The following CLASRP variants were observed in gnomAD, a reference collection of about 807,000 sequenced individuals.
The protein encoded by CLASRP is CLK4 associating serine/arginine rich protein.
Under a neutral mutation model 99.9 loss-of-function variants are expected in CLASRP, and 52 were observed. The observed-to-expected ratio is 0.52, with a 90% CI of 0.42 to 0.66. The LOEUF (loss-of-function observed/expected upper bound fraction) is 0.66. Ranked by LOEUF, CLASRP falls within the 30% of genes least tolerant of loss-of-function variation. The probability of loss-of-function intolerance (pLI) is 0.00; values close to 1 mark genes in which losing one functional copy is unlikely to be tolerated. For synonymous variants in CLASRP, 379 were observed against 373.0 expected (o/e 1.02, Z -0.18); for missense variants, 848 against 999.2 (o/e 0.85, Z 2.04).
In CLASRP at chr19:45,070,854, G is replaced by T. The variant is rs747072848; in HGVS notation, c.*9G>T. The T allele has an allele frequency of 1.9e-6, 3 of 1,556,872 alleles. No individual in the cohort carries two copies. Among genetic ancestry groups the T allele is most frequent in the South Asian group, 2.2e-5 (2 of 89,006 alleles). On this transcript the variant is annotated 3_prime_UTR_variant, in exon 21 of 21. Transcript: ENST00000221455. ...CCCATTACCGACATTAGGCAGAAGAGTGGGGGGTGGGGAGGACAAGGGGGT... is the reference window on the plus strand; with the variant it reads ...CCCATTACCGACATTAGGCAGAAGATTGGGGGGTGGGGAGGACAAGGGGGT...
intron 2 of CLASRP, among the ~76,000 whole-genome samples, chr19:45,042,566 C>T (rs887376809): frequency 2.0e-5 from 3 of 151,300 alleles, no homozygotes; most frequent in Admixed American, 6.6e-5. Flanking sequence ...CACACACATA[C>T]GCATACACAG....
In CLASRP at chr19:45,067,221, C is replaced by T. The variant is rs978792734; in HGVS notation, c.1410-116C>T. On this transcript the variant is annotated intron_variant, in intron 13 of 20. Coordinates refer to ENST00000221455, the MANE Select transcript of CLASRP (RefSeq NM_007056.3). This position sits in a 1 kb window ranked among gnomAD's most constrained non-coding sequence, Gnocchi z 4.9. The stretch of plus-strand genomic sequence containing the variant: ...AGGGAGAGTAGCAGGAGAGGAGAGT[C>T]GAGCCTGTCACCCTGGGCCTTGCAG... The T allele has an allele frequency of 3.5e-5, 43 of 1,215,404 alleles. No individual in the cohort carries two copies. The highest frequency in any genetic ancestry group is 4.6e-5 in the African/African-American group (3 of 64,776). 75.3% of individuals were successfully genotyped at this position (1,215,404 alleles called of 1,614,324 possible).
rs922277734 is a variant in CLASRP at position 45,070,953 on chromosome 19, G to A, written c.*108G>A. The A allele has an allele frequency of 7.2e-5, 53 of 732,768 alleles. No individual in the cohort carries two copies. Among genetic ancestry groups the A allele is most frequent in the Admixed American group, 2.4e-4 (9 of 38,154 alleles). 45.4% of individuals were successfully genotyped at this position (732,768 alleles called of 1,614,324 possible). On this transcript the variant is annotated 3_prime_UTR_variant, in exon 21 of 21. Transcript: ENST00000221455. ...TAAAGTCAAAAGTTATTTAATTCCC[G>A]TCACCTGTCTCAGTGTCATCTGTGT...
intron 2 of CLASRP, among the ~76,000 whole-genome samples, chr19:45,048,869 C>T (rs1184228609): frequency 6.7e-6 from 1 of 149,978 alleles, no homozygotes; most frequent in African/African-American, 2.5e-5. Context: ...ACCTGTAATC[C>T]CAGCTACTCG....
chr19:45,057,312 C>T (rs557632232), intron 6 of CLASRP, among the ~76,000 whole-genome samples: 4 of 152,304 alleles, frequency 2.6e-5, no homozygotes, highest in Admixed American at 2.0e-4. Flanking sequence ...TGGGACTGTA[C>T]TGGGAGCTTC....
At chr19:45,053,268 A>C (rs553645358) in intron 5 of CLASRP, 91 bp downstream of exon 5, 46 of 1,315,306 alleles carry the variant, frequency 3.5e-5, no homozygotes, top group Non-Finnish European at 4.8e-5. Flanking sequence ...TTTTATCCAC[A>C]TACTTTCTAC....
chr19:45,045,798 G>A (rs550781386), intron 2 of CLASRP, among the ~76,000 whole-genome samples: 30 of 152,148 alleles, frequency 2.0e-4, no homozygotes, highest in Non-Finnish European at 3.2e-4. Flanking sequence ...GGCCAGCGTC[G>A]CTATCGCTCA....
At chr19:45,064,279 C>T in intron 12 of CLASRP, 52 bp downstream of exon 12, 1 of 1,523,436 alleles carries the variant, frequency 6.6e-7, no homozygotes, top group South Asian at 1.2e-5. Context: ...ATGGGGGGTA[C>T]CCGGGGCAGA....
chr19:45,067,501 G>GCCGCAT lies in CLASRP; in HGVS notation c.1579_1580insTCCGCA (p.Arg526_Ser527insIleArg), dbSNP rs747273443. On this transcript the variant is annotated inframe_insertion, in exon 14 of 21. Transcript: ENST00000221455. This position sits in a 1 kb window ranked among gnomAD's most constrained non-coding sequence, Gnocchi z 4.9. ...AGCCCCAGCCAGAGCCGCAGCCGCA[G>GCCGCAT]CCGCAGCCGCAGCCAGAGCCCCTCG... The GCCGCAT allele has an allele frequency of 6.3e-7, 1 of 1,587,650 alleles. No individual in the cohort carries two copies. The highest frequency in any genetic ancestry group is 8.5e-7 in the Non-Finnish European group (1 of 1,172,108).
In CLASRP at chr19:45,060,461, G is replaced by A. The variant is rs201612091; in HGVS notation, c.783G>A (p.Met261Ile). The change falls in exon 9 of 21, where the codon ATG (methionine) becomes ATA (isoleucine). Residue 261 changes from methionine (M) to isoleucine (I), a missense_variant. By Grantham distance (10) the Met-to-Ile change is conservative (BLOSUM62 1). Around this residue, in one of 8 missense-constraint regions of CLASRP, gnomAD observed 119 missense variants for 170.2 expected, o/e 0.70. Coordinates refer to ENST00000221455, the MANE Select transcript of CLASRP (RefSeq NM_007056.3). The surrounding 1 kb of genome is among the most constrained non-coding windows in gnomAD (Gnocchi z 4.6). ...HAKALEEEKAMYSGRRSRRQR... is the reference protein window; with the variant it reads ...HAKALEEEKAIYSGRRSRRQR... ...AGGCTCTTGAGGAGGAGAAGGCCAT[G>A]TACTCGGTGAGGTCTGGGCTGGAGT... The A allele has an allele frequency of 6.2e-7, 1 of 1,614,178 alleles. No individual in the cohort carries two copies.
intron 13 of CLASRP, among the ~76,000 whole-genome samples, chr19:45,065,560 C>CAAAAAAAA (rs1967067389): frequency 7.7e-6 from 1 of 129,598 alleles, no homozygotes; most frequent in African/African-American, 2.9e-5. Flanking sequence ...GACTGCGTCT[C>CAAAAAAAA]AAGAAAAAAA....
At chr19:45,040,681 C>T (rs983768998) in intron 2 of CLASRP, 1 of 201,636 alleles carries the variant, frequency 5.0e-6, no homozygotes, top group Non-Finnish European at 1.1e-5. Flanking sequence ...GCTTGGCACA[C>T]AATAGGAGTG....
At position 45,052,242 on chromosome 19, in the gene CLASRP, T is replaced by G. The variant is rs1468614366; in HGVS notation, c.197+74T>G. 5.4e-6 allele frequency: 7 copies of G among 1,292,726 alleles called. No individual in the cohort carries two copies. The Admixed American group carries it at 1.2e-4, about 22-fold the overall frequency. The allele number at this position is 1,292,726 out of a possible 1,614,324, so 80.1% of individuals were successfully genotyped here. A position where few individuals can be genotyped will look rare whatever the true frequency, so the allele number is the denominator to read the frequency against. ...AACGGACCTGGGGTGGTGTAGAGTG[T>G]GGAGCAGAGACTGAAGTATGGACAG... is the stretch of plus-strand genomic sequence containing the variant. On this transcript the variant is annotated intron_variant, in intron 3 of 20. Transcript: ENST00000221455.
chr19:45,041,761 T>C (rs964523940), intron 2 of CLASRP, among the ~76,000 whole-genome samples: 6 of 152,232 alleles, frequency 3.9e-5, no homozygotes, highest in African/African-American at 1.4e-4. Flanking sequence ...TTTAGGGTCC[T>C]GCATGGCCTG....
At chr19:45,045,037 C>T (rs1205994293) in intron 2 of CLASRP, among the ~76,000 whole-genome samples, 1 of 152,210 alleles carries the variant, frequency 6.6e-6, no homozygotes, top group East Asian at 1.9e-4. Flanking sequence ...TTCTTAGCCA[C>T]AGAAAAGCCA....
chr19:45,048,157 C>T (rs1015273501), intron 2 of CLASRP, among the ~76,000 whole-genome samples: 13 of 151,702 alleles, frequency 8.6e-5, no homozygotes, highest in East Asian at 3.9e-4. Context: ...CATCTGGGTT[C>T]AAATCCTAGT....
chr19:45,046,807 C>T (rs961060810), intron 2 of CLASRP, among the ~76,000 whole-genome samples: 2 of 152,228 alleles, frequency 1.3e-5, no homozygotes, highest in African/African-American at 4.8e-5. Context: ...GTGAGCAGAT[C>T]ACCTGAGGTC....
At chr19:45,053,054 T>A in intron 4 of CLASRP, 44 bp from the exon 5 acceptor site, 2 of 1,605,658 alleles carry the variant, frequency 1.2e-6, no homozygotes, top group Non-Finnish European at 1.7e-6. Context: ...TGGGGGGGGA[T>A]CCACTCCTTC....
chr19:45,067,417 G>A lies in CLASRP; in HGVS notation c.1490G>A (p.Ser497Asn), dbSNP rs1967112169. The A allele has an allele frequency of 6.5e-7, 1 of 1,533,840 alleles. No homozygotes were observed. The highest frequency in any genetic ancestry group is 8.7e-7 in the Non-Finnish European group (1 of 1,143,192). The change falls in exon 14 of 21, where the codon AGC becomes AAC. Residue 497 changes from serine to asparagine, a missense_variant. Around this residue, in one of 8 missense-constraint regions of CLASRP, gnomAD observed 489 missense variants for 434.7 expected, o/e 1.12. Coordinates refer to ENST00000221455, the MANE Select transcript of CLASRP (RefSeq NM_007056.3). This position sits in a 1 kb window ranked among gnomAD's most constrained non-coding sequence, Gnocchi z 4.9. ...RHHSSSRSRS[S>N]WSLSPSRSRS... is the part of the protein sequence containing the mutation. ...CACAGCAGTAGCCGCAGCCGCAGCA[G>A]CTGGTCCCTCAGCCCGTCCCGCAGT...
Sources: allele counts gnomAD v4.1 joint callset (sites outside exome capture counted in the v4.1 genomes callset), GRCh38; gene constraint gnomAD v4.1.1; regional missense constraint gnomAD v4.1.1; non-coding constraint Gnocchi (gnomAD v3.1); transcripts MANE v1.5; gene names NCBI Gene and HGNC (gene_info 2026-07-23, HGNC 2026-07-21).